ZNF432: variants seen among roughly 807,000 people sequenced by gnomAD.
The protein encoded by ZNF432 is zinc finger protein 432.
ZNF432 carries 10 observed loss-of-function variants against 13.9 expected under a neutral mutation model. The ratio of observed to expected loss-of-function variants is 0.72; its 90% CI spans 0.44 to 1.22. The LOEUF is 1.22. Ranked by LOEUF, ZNF432 falls within the 50% of genes most tolerant of loss-of-function variation. The pLI is 0.00. For missense variants in ZNF432, 793 were observed against 796.2 expected (o/e 1.00, Z 0.05); for synonymous variants, 247 against 256.2 (o/e 0.96, Z 0.34).
At chr19:52,039,538 G>C (rs557507950) in intron 4 of ZNF432, among the ~76,000 whole-genome samples, 1 of 150,378 alleles carries the variant, frequency 6.6e-6, no homozygotes, top group South Asian at 2.1e-4. Flanking sequence ...AAATCTATAG[G>C]GATAAAAAGT....
Position 52,035,247 on chromosome 19 carries a change from G to C in ZNF432, c.432C>G (p.Val144=), listed in dbSNP as rs766461385. ...TAATTTCACAGCTTTTGTTCTGGTT[G>C]ACTAAACTTAAATTTGATTTCAAAG... ...IKTLKSNLSL[V]NQNKSCEINN... is the part of the protein sequence containing the mutation. Residue 144 remains valine, a synonymous_variant, in exon 5 of 5, where the codon GTC becomes GTG. Coordinates refer to ENST00000221315, the MANE Select transcript of ZNF432 (RefSeq NM_014650.4). 1.7e-5 allele frequency: 28 copies of C among 1,604,990 alleles called. No homozygotes were observed. Among genetic ancestry groups the C allele is most frequent in the Non-Finnish European group, 2.3e-5 (27 of 1,177,476 alleles).
intron 4 of ZNF432, among the ~76,000 whole-genome samples, chr19:52,039,145 C>A (rs917201123): frequency 1.1e-4 from 17 of 152,182 alleles, no homozygotes; most frequent in African/African-American, 4.1e-4. Context: ...ATGTAACATC[C>A]ACAGTGAGAG....
At position 52,031,764 on chromosome 19, in the gene ZNF432, G is replaced by A; in HGVS notation, c.*1956C>T. On this transcript the variant is annotated 3_prime_UTR_variant, in exon 5 of 5. Coordinates refer to ENST00000221315, the MANE Select transcript of ZNF432 (RefSeq NM_014650.4). ...TGTAATCCCAGCACTTTGGGAGGCT[G>A]AGGCGGGTGGACCGCCCGGGGTCGA... The A allele has an allele frequency of 6.6e-6, 1 of 152,570 alleles. No individual in the cohort carries two copies. The highest frequency in any genetic ancestry group is 1.5e-5 in the Non-Finnish European group (1 of 68,234). 9.5% of individuals were successfully genotyped at this position (152,570 alleles called of 1,614,324 possible).
chr19:52,041,124 T>TAAA (rs1381391258), intron 3 of ZNF432, among the ~76,000 whole-genome samples: 4 of 152,052 alleles, frequency 2.6e-5, no homozygotes, highest in African/African-American at 9.6e-5. Context: ...AATAAATAAA[T>TAAA]TAATTAAAAC....
rs769355253 is a variant in ZNF432 at position 52,035,213 on chromosome 19, T to C, written c.466A>G (p.Thr156Ala). 6.2e-7 allele frequency: 1 copy of C among 1,610,070 alleles called. No homozygotes were observed. The highest frequency in any genetic ancestry group is 8.5e-7 in the Non-Finnish European group (1 of 1,179,038). Reference protein sequence around the residue: ...QNKSCEINNSTKFSGDGKSFL... With the variant: ...QNKSCEINNSAKFSGDGKSFL... Reference sequence around the variant, plus strand: ...GATTTCCCATCTCCACTAAATTTAGTAGAGTTGTTAATTTCACAGCTTTTG... The same window carrying C: ...GATTTCCCATCTCCACTAAATTTAGCAGAGTTGTTAATTTCACAGCTTTTG... The change falls in exon 5 of 5, where the codon ACT becomes GCT. Residue 156 changes from threonine to alanine, a missense_variant. Coordinates refer to ENST00000221315, the MANE Select transcript of ZNF432 (RefSeq NM_014650.4).
rs1184538488 is a variant in ZNF432, at chr19:52,035,458, A to T, written c.239-18T>A. ...GTTGTTTTCTAGGAAAGAAGAGAACAATGAATCCTTTTATAATCTTGTTGG... is the reference window on the plus strand; with the variant it reads ...GTTGTTTTCTAGGAAAGAAGAGAACTATGAATCCTTTTATAATCTTGTTGG... On this transcript the variant is annotated intron_variant, in intron 4 of 4. Transcript: ENST00000221315. The T allele has an allele frequency of 1.3e-6, 2 of 1,510,900 alleles. No homozygotes were observed. Among genetic ancestry groups the T allele is most frequent in the Non-Finnish European group, 1.8e-6 (2 of 1,133,962 alleles). The allele number at this position is 1,510,900 out of a possible 1,614,324, so 93.6% of individuals were successfully genotyped here. A position where few individuals can be genotyped will look rare whatever the true frequency, so the allele number is the denominator to read the frequency against.
At position 52,032,434 on chromosome 19, in the gene ZNF432, G is replaced by GTT. The variant is rs2087022576; in HGVS notation, c.*1285_*1286insAA. 7.7e-6 allele frequency: 1 copy of GTT among 129,476 alleles called. No individual in the cohort carries two copies. Among genetic ancestry groups the GTT allele is most frequent in the South Asian group, 3.2e-4 (1 of 3,138 alleles). The allele number at this position is 129,476 out of a possible 1,614,324, so 8.0% of individuals were successfully genotyped here. On this transcript the variant is annotated 3_prime_UTR_variant, in exon 5 of 5. Transcript: ENST00000221315. ...TAGATTTGTGACAGTCCTCAAATAT[G>GTT]GTTTTTTTTTTTTTTTTTTGAGGCA...
chr19:52,040,798 A>C (rs929346871), intron 3 of ZNF432, among the ~76,000 whole-genome samples: 10 of 152,168 alleles, frequency 6.6e-5, no homozygotes, highest in Non-Finnish European at 1.0e-4. Context: ...TTTAAAAAAC[A>C]ATAAAAAATA....
At chr19:52,048,128 AACACACACACACACACACACACACAC>A (rs3138637) in intron 1 of ZNF432, among the ~76,000 whole-genome samples, 11 of 103,342 alleles carry the variant, frequency 1.1e-4, no homozygotes, top group Admixed American at 2.2e-4. Flanking sequence ...GTTTGAGCTC[AACACACACACACACACACACACACAC>A]ACACACACAC....
intron 1 of ZNF432, among the ~76,000 whole-genome samples, chr19:52,047,890 TA>T (rs1255894634): frequency 6.6e-6 from 1 of 151,968 alleles, no homozygotes; most frequent in East Asian, 1.9e-4. Flanking sequence ...AGAGGAAGGA[TA>T]AAAATAGGCT....
Position 52,041,471 on chromosome 19 carries a change from T to A in ZNF432, c.142+9A>T, listed in dbSNP as rs1479899320. 6.3e-7 allele frequency: 1 copy of A among 1,587,582 alleles called. No individual in the cohort carries two copies. The highest frequency in any genetic ancestry group is 8.6e-7 in the Non-Finnish European group (1 of 1,167,120). On this transcript the variant is annotated intron_variant, in intron 3 of 4. Transcript: ENST00000221315. ...CACCCTCCAGGTGACACAGAGCAGC[T>A]GTCCTCACCCATTGATAGCAGGTTG...
At chr19:52,045,223 A>C (rs957777157) in intron 2 of ZNF432, among the ~76,000 whole-genome samples, 1 of 152,214 alleles carries the variant, frequency 6.6e-6, no homozygotes, top group African/African-American at 2.4e-5. Context: ...TGGATTTATA[A>C]ATACACATAT....
At chr19:52,043,191 TAGG>T (rs747757284) in intron 2 of ZNF432, among the ~76,000 whole-genome samples, 4 of 152,174 alleles carry the variant, frequency 2.6e-5, no homozygotes, top group Non-Finnish European at 5.9e-5. Flanking sequence ...GAAGTAGACA[TAGG>T]AGACTCCATT....
intron 4 of ZNF432, 40 bp from the exon 5 acceptor site, chr19:52,035,480 T>C (rs750070205): frequency 4.8e-6 from 7 of 1,455,596 alleles, no homozygotes; most frequent in Non-Finnish European, 5.5e-6. Context: ...TATAATCTTG[T>C]TGGGGATAAA....
At chr19:52,039,992 G>A (rs2087119481) in intron 4 of ZNF432, among the ~76,000 whole-genome samples, 1 of 151,774 alleles carries the variant, frequency 6.6e-6, no homozygotes, top group Admixed American at 6.6e-5. Context: ...ACAAAGCACT[G>A]AAAAATAAAC....
chr19:52,040,056 A>T (rs2087120056), intron 4 of ZNF432, among the ~76,000 whole-genome samples: 1 of 152,168 alleles, frequency 6.6e-6, no homozygotes, highest in Non-Finnish European at 1.5e-5. Flanking sequence ...TGAAAAAACA[A>T]ATCTATAATG....
intron 4 of ZNF432, among the ~76,000 whole-genome samples, chr19:52,038,298 C>CT (rs1221554296): frequency 6.6e-6 from 1 of 152,032 alleles, no homozygotes; most frequent in Non-Finnish European, 1.5e-5. Flanking sequence ...TGCCTTCATT[C>CT]TTTTTTTTGA....
intron 4 of ZNF432, among the ~76,000 whole-genome samples, chr19:52,037,111 G>A (rs1163867365): frequency 6.6e-6 from 1 of 152,190 alleles, no homozygotes; most frequent in Non-Finnish European, 1.5e-5. Flanking sequence ...AGGGTAATAT[G>A]CTTACTGAGA....
chr19:52,046,354 TAA>T (rs898116879), intron 2 of ZNF432, among the ~76,000 whole-genome samples: 1 of 152,144 alleles, frequency 6.6e-6, no homozygotes, highest in African/African-American at 2.4e-5. Context: ...TTTCGTCCCC[TAA>T]AAAAACTGTT....
Sources: allele counts gnomAD v4.1 joint callset (sites outside exome capture counted in the v4.1 genomes callset), GRCh38; gene constraint gnomAD v4.1.1; transcripts MANE v1.5; gene names NCBI Gene and HGNC (gene_info 2026-07-23, HGNC 2026-07-21).